The following CACNA1C variants were observed in gnomAD, a reference collection of about 807,000 sequenced individuals.
The protein encoded by CACNA1C is calcium voltage-gated channel subunit alpha1 C.
CACNA1C carries 30 observed loss-of-function variants against 229.0 expected under a neutral mutation model. That is an observed-to-expected ratio of 0.13 (90% confidence interval 0.10 to 0.18). The LOEUF (loss-of-function observed/expected upper bound fraction) is 0.18. Ranked by LOEUF, CACNA1C falls within the 10% of genes least tolerant of loss-of-function variation. The pLI is 1.00. For missense variants in CACNA1C, 1,658 were observed against 2,845.0 expected, an observed-to-expected ratio of 0.58 and a Z score of 9.49; for synonymous variants, 1,114 against 1,132.5, an observed-to-expected ratio of 0.98 and a Z score of 0.33.
intron 3 of CACNA1C, among the ~76,000 whole-genome samples, chr12:2,419,129 C>T (rs902788997): frequency 4.6e-5 from 7 of 152,156 alleles, no homozygotes; most frequent in African/African-American, 1.7e-4. Flanking sequence ...GCCATTGTTG[C>T]GTTGCTGTAG....
intron 3 of CACNA1C, among the ~76,000 whole-genome samples, chr12:2,227,564 G>A (rs1482012718): frequency 6.6e-6 from 1 of 152,168 alleles, no homozygotes; most frequent in Non-Finnish European, 1.5e-5. Flanking sequence ...TTTCTCTCCT[G>A]AAGAACTCAC....
At chr12:2,384,734 T>C (rs2098338076) in intron 3 of CACNA1C, among the ~76,000 whole-genome samples, 1 of 152,110 alleles carries the variant, frequency 6.6e-6, no homozygotes, top group East Asian at 1.9e-4. Flanking sequence ...CACCGTGGCA[T>C]AGTATAGTAC....
chr12:2,315,220 C>G (rs1188752577), intron 3 of CACNA1C, among the ~76,000 whole-genome samples: 2 of 152,234 alleles, frequency 1.3e-5, no homozygotes, highest in African/African-American at 2.4e-5. Context: ...ATGAGCACCA[C>G]AGACGTGGCC....
rs571384519 is a variant in CACNA1C, at chr12:2,120,564, C to T, written c.477+134C>T. ...TGCAGGAGCCCTGCAGAGCTCACAT[C>T]CCGAGTGCTGTTTTACTCTTTATTC... On this transcript the variant is annotated intron_variant, in intron 3 of 46. Coordinates refer to ENST00000399655, the MANE Select transcript of CACNA1C (RefSeq NM_000719.7). 10 of 696,760 alleles carry T rather than the reference C, an allele frequency of 1.4e-5. No homozygotes were observed. The African/African-American group carries it at 1.6e-4, about 11-fold the overall frequency. 43.2% of individuals were successfully genotyped at this position (696,760 alleles called of 1,614,324 possible).
chr12:2,599,720 G>GA (rs2070904329), intron 21 of CACNA1C, among the ~76,000 whole-genome samples: 1 of 151,872 alleles, frequency 6.6e-6, no homozygotes, highest in Non-Finnish European at 1.5e-5. Flanking sequence ...CTGGCAATCA[G>GA]AAAAAAAGGG....
rs184054554 is a variant in CACNA1C, at chr12:2,319,071, A to T, written c.478-129905A>T. ...TTTACTCTCCAGAGTGGGGCTTGTG[A>T]GTCTCTCACCCCAGCTGTTTCCTGG... On this transcript the variant is annotated intron_variant, in intron 3 of 46. Coordinates refer to ENST00000399655, the MANE Select transcript of CACNA1C (RefSeq NM_000719.7). This position sits in a 1 kb window ranked among gnomAD's most constrained non-coding sequence, Gnocchi z 4.0. Among the ~76,000 whole-genome samples, 281 of 152,004 alleles carry T rather than the reference A, an allele frequency of 1.8e-3. 7 individuals carry two copies. The highest frequency in any genetic ancestry group is 3.4e-4 in the Non-Finnish European group (23 of 67,944).
rs548661435 is a variant in CACNA1C, at chr12:2,651,273, AG to A, written c.3946-363del. 509 of 333,222 alleles carry A rather than the reference AG, an allele frequency of 1.5e-3. 4 individuals carry two copies. The highest frequency in any genetic ancestry group is 9.5e-3 in the Middle Eastern group (11 of 1,160). 20.6% of individuals were successfully genotyped at this position (333,222 alleles called of 1,614,324 possible). ...GACTGCTTCCTCAGCAGTGCAGAGG[AG>A]GGGTTCCCAGGGCAGCTGGCTCTGG... On this transcript the variant is annotated intron_variant, in intron 31 of 46. Coordinates refer to ENST00000399655, the MANE Select transcript of CACNA1C (RefSeq NM_000719.7). The surrounding 1 kb of genome is among the most constrained non-coding windows in gnomAD (Gnocchi z 5.4).
chr12:2,369,716 T>G (rs1476085388), intron 3 of CACNA1C, among the ~76,000 whole-genome samples: 2 of 152,172 alleles, frequency 1.3e-5, no homozygotes, highest in Non-Finnish European at 2.9e-5. Context: ...CATACCTATC[T>G]TATACATTTA....
intron 29 of CACNA1C, among the ~76,000 whole-genome samples, chr12:2,618,871 G>A (rs1268467730): frequency 6.6e-6 from 1 of 152,176 alleles, no homozygotes; most frequent in Non-Finnish European, 1.5e-5. Flanking sequence ...CATGTTTTCG[G>A]CAGCAATGAC....
Position 2,688,788 on chromosome 12 carries a change from C to T in CACNA1C, c.6117+9C>T. On this transcript the variant is annotated intron_variant, in intron 46 of 46. Coordinates refer to ENST00000399655, the MANE Select transcript of CACNA1C (RefSeq NM_000719.7). ...GCAGCCTGGTGGAAGCGGTAGGTGA[C>T]TCGCAGATGGGCAGGGGGGAGAGGC... 6.7e-7 allele frequency: 1 copy of T among 1,501,712 alleles called. No individual in the cohort carries two copies. The highest frequency in any genetic ancestry group is 1.3e-5 in the South Asian group (1 of 76,074). The allele number at this position is 1,501,712 out of a possible 1,614,324, so 93.0% of individuals were successfully genotyped here.
chr12:2,064,127 G>A (rs1331799263), intron 1 of CACNA1C, among the ~76,000 whole-genome samples: 1 of 152,058 alleles, frequency 6.6e-6, no homozygotes, highest in African/African-American at 2.4e-5. Flanking sequence ...GATGAGGAGT[G>A]ACTGATACTG....
Position 2,287,859 on chromosome 12 carries a change from C to T in CACNA1C, c.478-161117C>T, listed in dbSNP as rs1448822523. 6.6e-6 allele frequency among the ~76,000 whole-genome samples: 1 copy of T among 152,090 alleles called. No homozygotes were observed. Among genetic ancestry groups the T allele is most frequent in the Non-Finnish European group, 1.5e-5 (1 of 68,032 alleles). ...GCCTGGGACCACACTTTGGAAATCA[C>T]GATTATGAACAGGAATCAGAATTTC... On this transcript the variant is annotated intron_variant, in intron 3 of 46. Transcript: ENST00000399655. The surrounding 1 kb of genome is among the most constrained non-coding windows in gnomAD (Gnocchi z 4.6).
chr12:2,469,070 A>G (rs1489281339), intron 5 of CACNA1C, among the ~76,000 whole-genome samples: 2 of 152,144 alleles, frequency 1.3e-5, no homozygotes, highest in Admixed American at 6.5e-5. Flanking sequence ...GGTTGTTGCC[A>G]TTTCTGTTGG....
intron 1 of CACNA1C, among the ~76,000 whole-genome samples, chr12:2,075,671 C>T (rs533548557): frequency 2.0e-5 from 3 of 152,308 alleles, no homozygotes; most frequent in African/African-American, 7.2e-5. Context: ...CCTGTGGATA[C>T]TGCCCTGACC....
chr12:2,224,633 C>G (rs1346230099), intron 3 of CACNA1C, among the ~76,000 whole-genome samples: 6 of 152,114 alleles, frequency 3.9e-5, no homozygotes, highest in Non-Finnish European at 7.4e-5. Flanking sequence ...GTTGTTTTGG[C>G]TCACTTTGGG....
At chr12:2,379,939 G>T (rs966442206) in intron 3 of CACNA1C, among the ~76,000 whole-genome samples, 11 of 148,256 alleles carry the variant, frequency 7.4e-5, no homozygotes, top group Non-Finnish European at 1.3e-4. Context: ...GCTGAGGCAG[G>T]AGAATGGCGT....
At chr12:2,144,701 C>T (rs954870033) in intron 3 of CACNA1C, among the ~76,000 whole-genome samples, 1 of 151,144 alleles carries the variant, frequency 6.6e-6, no homozygotes, top group East Asian at 1.9e-4. Context: ...TTCATGGAAG[C>T]GGGGGCTGTC....
At chr12:2,670,659 G>C (rs1373632595) in intron 38 of CACNA1C, among the ~76,000 whole-genome samples, 3 of 152,068 alleles carry the variant, frequency 2.0e-5, no homozygotes, top group African/African-American at 7.2e-5. Context: ...AGGAGATTGA[G>C]ACCATCCTGG....
chr12:2,691,507 C>T lies in CACNA1C; in HGVS notation c.*308C>T, dbSNP rs2097788238. ...CCGCGGGGAGAGCACCCCGGCTTCCCGCGCGCCCTCACCAAAAGGACCCTA... is the reference window on the plus strand; with the variant it reads ...CCGCGGGGAGAGCACCCCGGCTTCCTGCGCGCCCTCACCAAAAGGACCCTA... On this transcript the variant is annotated 3_prime_UTR_variant, in exon 47 of 47. Coordinates refer to ENST00000399655, the MANE Select transcript of CACNA1C (RefSeq NM_000719.7). 4.4e-5 allele frequency: 14 copies of T among 316,924 alleles called. No homozygotes were observed. The East Asian group carries it at 7.0e-4, about 16-fold the overall frequency. The allele number at this position is 316,924 out of a possible 1,614,324, so 19.6% of individuals were successfully genotyped here. A position where few individuals can be genotyped will look rare whatever the true frequency, so the allele number is the denominator to read the frequency against.
Sources: allele counts gnomAD v4.1 joint callset (sites outside exome capture counted in the v4.1 genomes callset), GRCh38; gene constraint gnomAD v4.1.1; non-coding constraint Gnocchi (gnomAD v3.1); transcripts MANE v1.5; gene names NCBI Gene and HGNC (gene_info 2026-07-23, HGNC 2026-07-21).